The following SHROOM3 variants were observed in gnomAD, a reference collection of about 807,000 sequenced individuals.
SHROOM3 encodes protein Shroom3.
In SHROOM3, 47 loss-of-function variants were observed where a neutral mutation model predicts 138.6. The ratio of observed to expected loss-of-function variants is 0.34; its 90% confidence interval spans 0.27 to 0.43. The LOEUF is 0.43. Among genes scored for constraint, SHROOM3 ranks in the 20% least tolerant of loss-of-function variants. The pLI is 1.00. For missense variants in SHROOM3, 2,491 were observed against 2,596.5 expected, an observed-to-expected ratio of 0.96 and a Z score of 0.88; for synonymous variants, 1,062 against 1,063.3, an observed-to-expected ratio of 1.00 and a Z score of 0.02.
intron 10 of SHROOM3, among the ~76,000 whole-genome samples, chr4:76,774,023 T>G (rs534080926): frequency 1.3e-5 from 2 of 152,262 alleles, no homozygotes; most frequent in East Asian, 1.9e-4. Context: ...TTTAATAGTC[T>G]AAACAAGGAG....
rs774834974 is a variant in SHROOM3, at chr4:76,739,348, A to T, written c.1175A>T (p.Tyr392Phe). The T allele has an allele frequency of 6.2e-7, 1 of 1,614,094 alleles. No individual in the cohort carries two copies. Among genetic ancestry groups the T allele is most frequent in the Admixed American group, 1.7e-5 (1 of 60,022 alleles). The change falls in exon 5 of 11, where the codon TAC becomes TTC. Residue 392 changes from tyrosine to phenylalanine, a missense_variant. Transcript: ENST00000296043. ...CTGCCTCCAGCTCGGAGTGACAGTT[A>T]CGCAGCATTTCGGCACCGTGAGCGG... is the stretch of plus-strand genomic sequence containing the variant. ...APLPPARSDS[Y>F]AAFRHRERPS...
At chr4:76,635,028 G>T (rs1735450137) in intron 2 of SHROOM3, among the ~76,000 whole-genome samples, 1 of 152,154 alleles carries the variant, frequency 6.6e-6, no homozygotes, top group South Asian at 2.1e-4. Flanking sequence ...GCATTATGCT[G>T]ACGATACTGC....
At chr4:76,495,359 C>T (rs1030083823) in intron 1 of SHROOM3, among the ~76,000 whole-genome samples, 6 of 152,152 alleles carry the variant, frequency 3.9e-5, no homozygotes, top group Non-Finnish European at 8.8e-5. Context: ...TACATACCTT[C>T]CCCCCAGGGA....
intron 2 of SHROOM3, among the ~76,000 whole-genome samples, chr4:76,689,298 G>A (rs1461767347): frequency 7.1e-6 from 1 of 140,908 alleles, no homozygotes; most frequent in Non-Finnish European, 1.6e-5. Context: ...ATGCAAATCC[G>A]GTCCTGAGCT....
At chr4:76,539,144 A>T (rs1487274334) in intron 1 of SHROOM3, among the ~76,000 whole-genome samples, 2 of 152,174 alleles carry the variant, frequency 1.3e-5, no homozygotes, top group Admixed American at 1.3e-4. Flanking sequence ...TATCTACAAA[A>T]TATTTACCTC....
intron 4 of SHROOM3, among the ~76,000 whole-genome samples, chr4:76,732,700 G>A (rs896369834): frequency 1.4e-4 from 21 of 152,210 alleles, no homozygotes; most frequent in Admixed American, 1.3e-3. Context: ...GGTAAGGTGT[G>A]TGGAGCCTAA....
chr4:76,624,081 T>C (rs1374311345), intron 2 of SHROOM3, among the ~76,000 whole-genome samples: 1 of 152,240 alleles, frequency 6.6e-6, no homozygotes, highest in Non-Finnish European at 1.5e-5. Context: ...CCGCTTATGT[T>C]GGAGAGAAAA....
At chr4:76,744,560 CCACAT>C (rs1267070851) in intron 5 of SHROOM3, among the ~76,000 whole-genome samples, 1 of 152,216 alleles carries the variant, frequency 6.6e-6, no homozygotes, top group African/African-American at 2.4e-5. Context: ...GTTACTCTCA[CCACAT>C]AACTATTGTG....
chr4:76,516,471 A>G (rs1019781249), intron 1 of SHROOM3, among the ~76,000 whole-genome samples: 3 of 152,108 alleles, frequency 2.0e-5, no homozygotes, highest in African/African-American at 7.2e-5. Flanking sequence ...GACCATCAGA[A>G]TTTGCCCTAT....
intron 1 of SHROOM3, among the ~76,000 whole-genome samples, chr4:76,473,976 TA>T (rs1432870121): frequency 6.6e-6 from 1 of 152,102 alleles, no homozygotes; most frequent in Non-Finnish European, 1.5e-5. Context: ...CAGGAAAAAT[TA>T]AAACATAAGT....
intron 1 of SHROOM3, among the ~76,000 whole-genome samples, chr4:76,451,776 G>A (rs914210088): frequency 6.6e-6 from 1 of 152,194 alleles, no homozygotes; most frequent in Non-Finnish European, 1.5e-5. Context: ...AAAATTGAAA[G>A]TTTAGAAATG....
chr4:76,719,705 A>ACT (rs1560601010), intron 3 of SHROOM3, among the ~76,000 whole-genome samples: 6 of 151,624 alleles, frequency 4.0e-5, no homozygotes, highest in African/African-American at 9.7e-5. Flanking sequence ...TGAATGAAAA[A>ACT]CACCCCTGTT....
rs74877352 is a variant in SHROOM3, at chr4:76,588,915, C to T, written c.323+33152C>T. ...CAAAAAATAAACAAAAAAAAAATCC[C>T]CAGCAGTCTTAATGATCACATTTTG... is the stretch of plus-strand genomic sequence containing the variant. On this transcript the variant is annotated intron_variant, in intron 2 of 10. Coordinates refer to ENST00000296043, the MANE Select transcript of SHROOM3 (RefSeq NM_020859.4). 3.4e-3 allele frequency among the ~76,000 whole-genome samples: 511 copies of T among 152,258 alleles called. 3 individuals carry two copies. Among genetic ancestry groups the T allele is most frequent in the African/African-American group, 0.012 (490 of 41,554 alleles).
intron 10 of SHROOM3, among the ~76,000 whole-genome samples, chr4:76,773,009 A>G (rs1722414048): frequency 6.6e-6 from 1 of 152,192 alleles, no homozygotes; most frequent in Middle Eastern, 3.2e-3. Flanking sequence ...AAGAGATGCC[A>G]TGTTTAAGAA....
Position 76,730,834 on chromosome 4 carries a change from G to A in SHROOM3, c.486G>A (p.Ser162=), listed in dbSNP as rs541276547. The A allele has an allele frequency of 1.2e-5, 20 of 1,613,934 alleles. 1 individual carries two copies. Among genetic ancestry groups the A allele is most frequent in the African/African-American group, 5.3e-5 (4 of 74,878 alleles). Reference sequence around the variant, plus strand: ...GTGAGCCTGCAGGCCGACCTCACTCGTGGCACACAACTAAATCTGGGGAGA... The same window carrying A: ...GTGAGCCTGCAGGCCGACCTCACTCATGGCACACAACTAAATCTGGGGAGA... ...RRSEPAGRPH[S]WHTTKSGEKQ... Residue 162 remains serine, a synonymous_variant, in exon 4 of 11, where the codon TCG becomes TCA. Coordinates refer to ENST00000296043, the MANE Select transcript of SHROOM3 (RefSeq NM_020859.4).
At chr4:76,594,067 G>A (rs546531930) in intron 2 of SHROOM3, among the ~76,000 whole-genome samples, 2 of 152,286 alleles carry the variant, frequency 1.3e-5, no homozygotes, top group South Asian at 4.2e-4. Flanking sequence ...CAATGACAGA[G>A]CTACAGTTTT....
intron 2 of SHROOM3, among the ~76,000 whole-genome samples, chr4:76,695,401 C>G (rs1403298804): frequency 6.6e-6 from 1 of 152,098 alleles, no homozygotes; most frequent in African/African-American, 2.4e-5. Context: ...GCAATATTTT[C>G]TTGGTCTCCA....
rs550674032 is a variant in SHROOM3, at chr4:76,532,107, A to T, written c.169-23502A>T. 9.4e-4 allele frequency: 120 copies of T among 127,442 alleles called. 1 individual carries two copies. Among genetic ancestry groups the T allele is most frequent in the African/African-American group, 3.4e-3 (111 of 32,944 alleles). 7.9% of individuals were successfully genotyped at this position (127,442 alleles called of 1,614,324 possible). Reference sequence around the variant, plus strand: ...GGTGTCTGATGTTCCCCTTCCTGTGACCAAGTGTTCTCATTGTTCAATTCC... The same window carrying T: ...GGTGTCTGATGTTCCCCTTCCTGTGTCCAAGTGTTCTCATTGTTCAATTCC... On this transcript the variant is annotated intron_variant, in intron 1 of 10. Transcript: ENST00000296043.
intron 2 of SHROOM3, among the ~76,000 whole-genome samples, chr4:76,597,446 A>G (rs1734414769): frequency 6.6e-6 from 1 of 152,222 alleles, no homozygotes; most frequent in East Asian, 1.9e-4. Flanking sequence ...AAGTATGGAT[A>G]GATCTTTTTT....
Sources: gnomAD v4.1 joint callset for allele counts (sites outside exome capture counted in the v4.1 genomes callset) on GRCh38, gnomAD v4.1.1 for gene constraint, MANE v1.5 for transcripts, NCBI Gene and HGNC (gene_info 2026-07-23, HGNC 2026-07-21) for gene names.